The following RAB3IL1 variants were observed in gnomAD, a reference collection of about 807,000 sequenced individuals.
The protein encoded by RAB3IL1 is RAB3A interacting protein like 1.
Under a neutral mutation model 49.2 loss-of-function variants are expected in RAB3IL1, and 37 were observed. The ratio of observed to expected loss-of-function variants is 0.75; its 90% CI spans 0.58 to 0.99. The LOEUF is 0.99. Ranked by LOEUF, RAB3IL1 falls within the 50% of genes least tolerant of loss-of-function variation. The pLI, the probability that RAB3IL1 is intolerant of heterozygous loss-of-function variation, is 0.00. For missense variants in RAB3IL1, 484 were observed against 513.0 expected (o/e 0.94, Z 0.55); for synonymous variants, 193 against 213.9 (o/e 0.90, Z 0.85).
upstream of RAB3IL1, chr11:61,920,404 A>G (rs1939874004): frequency 3.6e-6 from 2 of 550,872 alleles, no homozygotes; most frequent in Non-Finnish European, 2.7e-6. Context: ...AGCAGAAGAC[A>G]CTGGGCCCTC....
At chr11:61,934,444 GTGTATGTATATA>G in the RAB3IL1 span, among the ~76,000 whole-genome samples, 3 of 83,662 alleles carry the variant, frequency 3.6e-5, 1 homozygote, top group African/African-American at 1.5e-4. Flanking sequence ...GTGTGTGTGT[GTGTATGTATATA>G]TATATATATA....
At chr11:61,934,335 CACACACACACACACACAT>C in the RAB3IL1 span, among the ~76,000 whole-genome samples, 11 of 137,378 alleles carry the variant, frequency 8.0e-5, no homozygotes, top group African/African-American at 1.3e-4. Context: ...CACACACACA[CACACACACACACACACAT>C]ATGTATATAT....
chr11:61,918,241 T>C (rs1470080536), upstream of RAB3IL1, among the ~76,000 whole-genome samples: 1 of 152,078 alleles, frequency 6.6e-6, no homozygotes, highest in Non-Finnish European at 1.5e-5. Context: ...TGTCCCTCAG[T>C]TCCTCTGTCC....
chr11:61,898,942 AG>A lies in RAB3IL1; in HGVS notation c.1066+371del, dbSNP rs1274529903. The A allele has an allele frequency of 1.3e-5, 5 of 383,282 alleles. No homozygotes were observed. Among genetic ancestry groups the A allele is most frequent in the South Asian group, 1.9e-5 (1 of 52,884 alleles). The allele number at this position is 383,282 out of a possible 1,614,324, so 23.7% of individuals were successfully genotyped here. On this transcript the variant is annotated intron_variant, in intron 9 of 9. Coordinates refer to ENST00000394836, the MANE Select transcript of RAB3IL1 (RefSeq NM_013401.4). The surrounding 1 kb of genome is among the most constrained non-coding windows in gnomAD (Gnocchi z 5.1). ...GCCTTGCAGAATGGGCTGTGGGGGG[AG>A]GGGGTGGAGGGAGGCCCTGTCCAGC...
At chr11:61,941,630 T>C in the RAB3IL1 span, among the ~76,000 whole-genome samples, 1 of 152,074 alleles carries the variant, frequency 6.6e-6, no homozygotes, top group African/African-American at 2.4e-5. Flanking sequence ...CAGGCACCTG[T>C]AGTCCCAGCT....
chr11:61,921,429 T>A (rs1462505616), upstream of RAB3IL1, among the ~76,000 whole-genome samples: 1 of 152,212 alleles, frequency 6.6e-6, no homozygotes, highest in Non-Finnish European at 1.5e-5. Flanking sequence ...CCCATTCCTC[T>A]TCTTTCCACA....
At position 61,906,487 on chromosome 11, in the gene RAB3IL1, G is replaced by A. The variant is rs1939190518; in HGVS notation, c.636C>T (p.Thr212=). 1.3e-6 allele frequency: 2 copies of A among 1,545,460 alleles called. No homozygotes were observed. Among genetic ancestry groups the A allele is most frequent in the Non-Finnish European group, 1.7e-6 (2 of 1,147,306 alleles). The change falls in exon 5 of 10, where the codon ACC becomes ACT. Residue 212 remains threonine, a synonymous_variant. Transcript: ENST00000394836. This position sits in a 1 kb window ranked among gnomAD's most constrained non-coding sequence, Gnocchi z 4.6. ...AVCPAAGHTL[T]PDREGKEVDT... Reference sequence around the variant, plus strand: ...TCACCTCCTTGCCCTCTCTGTCTGGGGTGAGGGTGTGTCCCGCAGCGGGAC... The same window carrying A: ...TCACCTCCTTGCCCTCTCTGTCTGGAGTGAGGGTGTGTCCCGCAGCGGGAC...
chr11:61,914,989 C>T (rs909686286), intron 1 of RAB3IL1, among the ~76,000 whole-genome samples: 4 of 152,136 alleles, frequency 2.6e-5, no homozygotes, highest in African/African-American at 9.7e-5. Flanking sequence ...TCCTAGGACA[C>T]CAGGCACCCA....
Position 61,906,782 on chromosome 11 carries a change from G to C in RAB3IL1, c.439-98C>G. 8.6e-7 allele frequency: 1 copy of C among 1,168,254 alleles called. No individual in the cohort carries two copies. Among genetic ancestry groups the C allele is most frequent in the Non-Finnish European group, 1.2e-6 (1 of 808,892 alleles). The allele number at this position is 1,168,254 out of a possible 1,614,324, so 72.4% of individuals were successfully genotyped here. A position where few individuals can be genotyped will look rare whatever the true frequency, so the allele number is the denominator to read the frequency against. Reference sequence around the variant, plus strand: ...TAACTCAGGACAATGCACCCCTGCAGTGACAGGCACTTAGTCCCACCCGAC... The same window carrying C: ...TAACTCAGGACAATGCACCCCTGCACTGACAGGCACTTAGTCCCACCCGAC... On this transcript the variant is annotated intron_variant, in intron 4 of 9. Transcript: ENST00000394836. The surrounding 1 kb of genome is among the most constrained non-coding windows in gnomAD (Gnocchi z 4.6).
At chr11:61,903,985 T>C (rs1370069335) in intron 7 of RAB3IL1, among the ~76,000 whole-genome samples, 2 of 151,864 alleles carry the variant, frequency 1.3e-5, no homozygotes, top group Admixed American at 6.6e-5. Flanking sequence ...TACTCCAGCT[T>C]CTCACACCTT....
chr11:61,907,473 AG>A lies in RAB3IL1; in HGVS notation c.361-4del. The A allele has an allele frequency of 6.2e-7, 1 of 1,614,042 alleles. No individual in the cohort carries two copies. Among genetic ancestry groups the A allele is most frequent in the Non-Finnish European group, 8.5e-7 (1 of 1,179,980 alleles). ...TCTCGAACCATCTTGTGAGCTTCCT[AG>A]GAAGAAGGCAGTCCCTGCGTGAGTG... is the stretch of plus-strand genomic sequence containing the variant. On this transcript the variant is annotated splice_region_variant and splice_polypyrimidine_tract_variant and intron_variant, in intron 3 of 9. Transcript: ENST00000394836.
the RAB3IL1 span, among the ~76,000 whole-genome samples, chr11:61,940,536 T>C: frequency 6.6e-6 from 1 of 151,978 alleles, no homozygotes; most frequent in Non-Finnish European, 1.5e-5. Context: ...CCTGTAATCC[T>C]GGCATTTTGG....
chr11:61,924,292 G>A (rs954689234), upstream of RAB3IL1, among the ~76,000 whole-genome samples: 3 of 152,154 alleles, frequency 2.0e-5, no homozygotes, highest in Non-Finnish European at 2.9e-5. Flanking sequence ...CAGCCCCAGA[G>A]ATACAGCCCC....
Position 61,898,730 on chromosome 11 carries a change from C to A in RAB3IL1, c.1067-370G>T. The A allele has an allele frequency of 2.1e-6, 1 of 481,478 alleles. No individual in the cohort carries two copies. Among genetic ancestry groups the A allele is most frequent in the South Asian group, 1.6e-5 (1 of 64,282 alleles). The allele number at this position is 481,478 out of a possible 1,614,324, so 29.8% of individuals were successfully genotyped here. A position where few individuals can be genotyped will look rare whatever the true frequency, so the allele number is the denominator to read the frequency against. ...CTCACAAGGACCCTGCGCAGTGAGGCGGGGACCACAGCGGCCATCCAGGGA... is the reference window on the plus strand; with the variant it reads ...CTCACAAGGACCCTGCGCAGTGAGGAGGGGACCACAGCGGCCATCCAGGGA... On this transcript the variant is annotated intron_variant, in intron 9 of 9. Coordinates refer to ENST00000394836, the MANE Select transcript of RAB3IL1 (RefSeq NM_013401.4). This position sits in a 1 kb window ranked among gnomAD's most constrained non-coding sequence, Gnocchi z 5.1.
upstream of RAB3IL1, chr11:61,920,076 C>T: frequency 1.5e-6 from 2 of 1,292,982 alleles, no homozygotes; most frequent in South Asian, 2.4e-5. Context: ...TCAAGTTCCC[C>T]TCAAGTACAG....
At chr11:61,945,910 G>A in the RAB3IL1 span, 39 of 702,170 alleles carry the variant, frequency 5.6e-5, no homozygotes, top group East Asian at 1.3e-3. Context: ...GTTTGATGAA[G>A]TTGGACCTAG....
At chr11:61,940,178 A>G in the RAB3IL1 span, among the ~76,000 whole-genome samples, 1 of 152,172 alleles carries the variant, frequency 6.6e-6, no homozygotes, top group Admixed American at 6.5e-5. Flanking sequence ...GCAGTAGCTC[A>G]CGCCTGTAAT....
At position 61,898,497 on chromosome 11, in the gene RAB3IL1, C is replaced by T; in HGVS notation, c.1067-137G>A. ...GTCCCCGGCCCCCAAAACAGATGAC[C>T]TCAGTGAGTGGCTGGACCTCTCTGA... On this transcript the variant is annotated intron_variant, in intron 9 of 9. Transcript: ENST00000394836. The surrounding 1 kb of genome is among the most constrained non-coding windows in gnomAD (Gnocchi z 5.1). The T allele has an allele frequency of 1.4e-6, 1 of 705,940 alleles. No individual in the cohort carries two copies. The highest frequency in any genetic ancestry group is 2.5e-6 in the Non-Finnish European group (1 of 401,830). The allele number at this position is 705,940 out of a possible 1,614,324, so 43.7% of individuals were successfully genotyped here.
chr11:61,910,037 A>G (rs1939390801), intron 1 of RAB3IL1, among the ~76,000 whole-genome samples: 1 of 152,150 alleles, frequency 6.6e-6, no homozygotes, highest in South Asian at 2.1e-4. Context: ...ACAAACAAAC[A>G]TAAAACTCTC....
Sources: allele counts gnomAD v4.1 joint callset (sites outside exome capture counted in the v4.1 genomes callset), GRCh38; gene constraint gnomAD v4.1.1; non-coding constraint Gnocchi (gnomAD v3.1); transcripts MANE v1.5; gene names NCBI Gene and HGNC (gene_info 2026-07-23, HGNC 2026-07-21).